The following ESRRG variants were observed in gnomAD, a reference collection of about 807,000 sequenced individuals.
ESRRG encodes the protein estrogen-related receptor gamma.
In ESRRG, 13 loss-of-function variants were observed where a neutral mutation model predicts 44.0. The observed-to-expected ratio is 0.30, with a 90% CI of 0.19 to 0.47. The LOEUF (loss-of-function observed/expected upper bound fraction) is 0.47, where lower values mean the gene tolerates loss of function less well. Among genes scored for constraint, ESRRG ranks in the 20% least tolerant of loss-of-function variants. The pLI is 1.00. For synonymous variants in ESRRG, 215 were observed against 214.6 expected (o/e 1.00, Z -0.02); for missense variants, 395 against 580.6 (o/e 0.68, Z 3.29).
intron 3 of ESRRG, 146 bp from the exon 4 acceptor site, chr1:216,568,244 G>A: frequency 1.6e-6 from 1 of 620,396 alleles, no homozygotes; most frequent in Non-Finnish European, 2.9e-6. Context: ...ATGTAAATAA[G>A]TGGTGGCTAA....
At chr1:216,869,790 T>C (rs182239655) in intron 2 of ESRRG, among the ~76,000 whole-genome samples, 1 of 152,140 alleles carries the variant, frequency 6.6e-6, no homozygotes, top group Admixed American at 6.5e-5. Flanking sequence ...TATAACTATA[T>C]ATTTCATTTT....
At chr1:217,056,946 G>T (rs780343871) in intron 1 of ESRRG, among the ~76,000 whole-genome samples, 1 of 152,014 alleles carries the variant, frequency 6.6e-6, no homozygotes, top group Admixed American at 6.6e-5. Flanking sequence ...AGTTCAATGG[G>T]CCACTGTGAA....
chr1:217,022,284 C>A (rs758806145), intron 1 of ESRRG, among the ~76,000 whole-genome samples: 9 of 152,166 alleles, frequency 5.9e-5, no homozygotes, highest in Non-Finnish European at 8.8e-5. Flanking sequence ...GGTTAGTTTT[C>A]ATTTGGGCTC....
At chr1:217,044,187 AT>A (rs1310649347) in intron 1 of ESRRG, among the ~76,000 whole-genome samples, 3 of 152,156 alleles carry the variant, frequency 2.0e-5, no homozygotes, top group African/African-American at 7.2e-5. Flanking sequence ...TGTACAATAG[AT>A]CATTCTGACA....
At chr1:217,028,558 T>A (rs2150996795) in intron 1 of ESRRG, among the ~76,000 whole-genome samples, 1 of 152,226 alleles carries the variant, frequency 6.6e-6, no homozygotes, top group Admixed American at 6.5e-5. Flanking sequence ...GTGAGAGAAA[T>A]TTCTGGGTTC....
chr1:216,776,424 C>T (rs187271520), intron 2 of ESRRG, among the ~76,000 whole-genome samples: 1 of 152,030 alleles, frequency 6.6e-6, no homozygotes, highest in African/African-American at 2.4e-5. Flanking sequence ...GGATCCCAAC[C>T]CTAGCCCTGT....
At chr1:216,877,397 G>GT (rs2096374089) in intron 2 of ESRRG, among the ~76,000 whole-genome samples, 1 of 146,122 alleles carries the variant, frequency 6.8e-6, no homozygotes, top group Non-Finnish European at 1.5e-5. Flanking sequence ...TTGTTTGTTT[G>GT]TTTGTTTGTT....
intron 2 of ESRRG, among the ~76,000 whole-genome samples, chr1:216,831,320 A>G (rs1024835175): frequency 6.6e-6 from 1 of 152,226 alleles, no homozygotes; most frequent in Non-Finnish European, 1.5e-5. Flanking sequence ...TGCAAAAACC[A>G]CAACTAATTG....
intron 2 of ESRRG, among the ~76,000 whole-genome samples, chr1:216,904,259 T>A (rs1237366673): frequency 6.6e-6 from 1 of 151,608 alleles, no homozygotes; most frequent in Non-Finnish European, 1.5e-5. Flanking sequence ...CTAAACAAGA[T>A]AAACAACAAC....
At chr1:216,515,230 A>G (rs1444880851) in intron 6 of ESRRG, among the ~76,000 whole-genome samples, 1 of 151,958 alleles carries the variant, frequency 6.6e-6, no homozygotes, top group Non-Finnish European at 1.5e-5. Context: ...CGTATATATA[A>G]TATAATATAT....
chr1:216,994,376 A>C (rs1404413743), intron 1 of ESRRG, among the ~76,000 whole-genome samples: 1 of 152,214 alleles, frequency 6.6e-6, no homozygotes, highest in Non-Finnish European at 1.5e-5. Context: ...AGACCCTCCC[A>C]GTGATGGGGC....
At chr1:216,902,464 G>A (rs1467522363) in intron 2 of ESRRG, among the ~76,000 whole-genome samples, 1 of 151,420 alleles carries the variant, frequency 6.6e-6, no homozygotes, top group Non-Finnish European at 1.5e-5. Flanking sequence ...CTCCAGCCTA[G>A]GCAACAGAGT....
chr1:216,944,169 G>A (rs1199942049), intron 1 of ESRRG, among the ~76,000 whole-genome samples: 3 of 152,072 alleles, frequency 2.0e-5, no homozygotes, highest in Non-Finnish European at 2.9e-5. Flanking sequence ...TAGATCTCCC[G>A]ATATTTGCCA....
chr1:216,827,079 C>T (rs186900586), intron 2 of ESRRG, among the ~76,000 whole-genome samples: 1 of 152,098 alleles, frequency 6.6e-6, no homozygotes, highest in Non-Finnish European at 1.5e-5. Flanking sequence ...ATAGAAAAAG[C>T]CTGAAAAAAT....
chr1:217,011,359 A>G (rs1380283530), intron 1 of ESRRG, among the ~76,000 whole-genome samples: 1 of 152,226 alleles, frequency 6.6e-6, no homozygotes, highest in Non-Finnish European at 1.5e-5. Flanking sequence ...GGTGGACACT[A>G]CAATGCTAGA....
intron 2 of ESRRG, among the ~76,000 whole-genome samples, chr1:216,882,617 A>G (rs528354315): frequency 1.3e-5 from 2 of 152,318 alleles, no homozygotes; most frequent in South Asian, 4.1e-4. Context: ...TGTAGTCAAG[A>G]GTATCTCACA....
intron 3 of ESRRG, among the ~76,000 whole-genome samples, chr1:216,596,152 T>C (rs548449101): frequency 6.6e-6 from 1 of 152,322 alleles, no homozygotes; most frequent in African/African-American, 2.4e-5. Flanking sequence ...TAGTTTTCCC[T>C]AAATGCTCTA....
At chr1:216,628,186 G>A (rs1462949431) in intron 3 of ESRRG, among the ~76,000 whole-genome samples, 1 of 152,182 alleles carries the variant, frequency 6.6e-6, no homozygotes, top group African/African-American at 2.4e-5. Flanking sequence ...TACTTCCAGT[G>A]TACACTCAAT....
At position 216,607,312 on chromosome 1, in the gene ESRRG, A is replaced by G. The variant is rs73089956; in HGVS notation, c.590-39214T>C. 9.5e-3 allele frequency among the ~76,000 whole-genome samples: 1,447 copies of G among 152,294 alleles called. 25 individuals carry two copies. The highest frequency in any genetic ancestry group is 0.031 in the African/African-American group (1,298 of 41,546). On this transcript the variant is annotated intron_variant, in intron 3 of 6. Coordinates refer to ENST00000408911, the MANE Select transcript of ESRRG (RefSeq NM_001438.4). ...AACTGACAATAGTACAGGTTTGACC[A>G]TCATGACCTCTCTGTCACTTGTTTA...
Sources: allele counts gnomAD v4.1 joint callset (sites outside exome capture counted in the v4.1 genomes callset), GRCh38; gene constraint gnomAD v4.1.1; transcripts MANE v1.5; gene names NCBI Gene and HGNC (gene_info 2026-07-23, HGNC 2026-07-21).